Variants in HYCC1 observed in about 807,000 individuals in gnomAD.
The protein encoded by HYCC1 is hyccin.
the HYCC1 span, chr7:22,942,489 A>G: frequency 6.6e-6 from 1 of 152,196 alleles, no homozygotes; most frequent in South Asian, 2.1e-4. Context: ...TTCTCTCCCC[A>G]CTTGGATTCC....
At chr7:22,933,765 A>G in the HYCC1 span, among the ~76,000 whole-genome samples, 1 of 152,236 alleles carries the variant, frequency 6.6e-6, no homozygotes, top group African/African-American at 2.4e-5. Context: ...CTCATTAATC[A>G]AAGCTATTTT....
chr7:22,982,034 G>A, the HYCC1 span, among the ~76,000 whole-genome samples: 29,661 of 152,078 alleles, frequency 0.2, 3,430 homozygotes, highest in Non-Finnish European at 0.26. Flanking sequence ...AAGTAGCCTA[G>A]TTAAAACATA....
At chr7:22,971,225 C>T in the HYCC1 span, among the ~76,000 whole-genome samples, 960 of 148,898 alleles carry the variant, frequency 6.4e-3, 15 homozygotes, top group African/African-American at 0.022. Context: ...TAGACCAGAA[C>T]CAAAAGTAGA....
chr7:22,989,449 G>C, the HYCC1 span, among the ~76,000 whole-genome samples: 1 of 152,138 alleles, frequency 6.6e-6, no homozygotes, highest in Non-Finnish European at 1.5e-5. Context: ...CTGGGCTCAA[G>C]TGTTCCTCCC....
the HYCC1 span, among the ~76,000 whole-genome samples, chr7:22,996,720 A>G: frequency 6.6e-6 from 1 of 152,032 alleles, no homozygotes; most frequent in Admixed American, 6.6e-5. Context: ...TGGCCACAAA[A>G]TGATTTAAAA....
chr7:22,946,820 T>G, the HYCC1 span: 1 of 712,882 alleles, frequency 1.4e-6, no homozygotes, highest in Non-Finnish European at 2.2e-6. Context: ...GGTATAATCA[T>G]TCCAAAGAAC....
chr7:23,012,602 A>G, the HYCC1 span, among the ~76,000 whole-genome samples: 1 of 152,174 alleles, frequency 6.6e-6, no homozygotes, highest in South Asian at 2.1e-4. Context: ...CAGATCTTAA[A>G]TGTTTTTCCT....
the HYCC1 span, among the ~76,000 whole-genome samples, chr7:22,955,376 T>C: frequency 3.3e-5 from 5 of 151,618 alleles, no homozygotes; most frequent in Admixed American, 1.3e-4. Flanking sequence ...CTTTAAAGTA[T>C]ACCAAATGTT....
At chr7:22,924,708 C>A in the HYCC1 span, among the ~76,000 whole-genome samples, 2 of 152,346 alleles carry the variant, frequency 1.3e-5, no homozygotes, top group Non-Finnish European at 2.9e-5. Context: ...GTGGAGCCCA[C>A]CACAGCTCAA....
chr7:22,930,259 G>C, the HYCC1 span, among the ~76,000 whole-genome samples: 1 of 149,668 alleles, frequency 6.7e-6, no homozygotes, highest in East Asian at 2.0e-4. Context: ...GAGTTAATGG[G>C]TGCAGCACAC....
the HYCC1 span, chr7:22,934,484 A>T: frequency 6.6e-6 from 1 of 152,190 alleles, no homozygotes; most frequent in African/African-American, 2.4e-5. Flanking sequence ...TAATGGAAGA[A>T]GTAGCTGCAG....
chr7:22,975,329 A>C, the HYCC1 span, among the ~76,000 whole-genome samples: 1 of 152,234 alleles, frequency 6.6e-6, no homozygotes, highest in South Asian at 2.1e-4. Context: ...AGAGATAATC[A>C]TTGTTAATAT....
At chr7:23,008,250 T>C in the HYCC1 span, among the ~76,000 whole-genome samples, 1 of 152,098 alleles carries the variant, frequency 6.6e-6, no homozygotes, top group East Asian at 1.9e-4. Context: ...TTCCATCAGG[T>C]ACACTTAATC....
the HYCC1 span, among the ~76,000 whole-genome samples, chr7:22,920,131 T>C: frequency 2.0e-5 from 3 of 152,114 alleles, no homozygotes; most frequent in Non-Finnish European, 2.9e-5. Flanking sequence ...AGTTTGACAG[T>C]AGCCTTGACA....
At chr7:22,978,600 T>C in the HYCC1 span, 4 of 680,600 alleles carry the variant, frequency 5.9e-6, no homozygotes, top group East Asian at 8.1e-5. Flanking sequence ...TCCTAAAATA[T>C]CCTTTCTTCC....
the HYCC1 span, among the ~76,000 whole-genome samples, chr7:22,961,970 G>C: frequency 2.0e-5 from 3 of 151,970 alleles, no homozygotes; most frequent in East Asian, 5.8e-4. Context: ...ATAGTGGCTT[G>C]ATCAACTTCC....
the HYCC1 span, among the ~76,000 whole-genome samples, chr7:22,926,571 C>T: frequency 6.6e-6 from 1 of 152,024 alleles, no homozygotes; most frequent in Non-Finnish European, 1.5e-5. Context: ...CAACAAAGAT[C>T]AAAAGAAACA....
the HYCC1 span, among the ~76,000 whole-genome samples, chr7:22,902,408 C>T: frequency 1.3e-5 from 2 of 149,778 alleles, no homozygotes; most frequent in Admixed American, 6.6e-5. Flanking sequence ...AAATTAATTA[C>T]AACAAAAGTC....
the HYCC1 span, among the ~76,000 whole-genome samples, chr7:22,999,400 A>G: frequency 2.6e-5 from 4 of 152,210 alleles, no homozygotes; most frequent in Non-Finnish European, 5.9e-5. Flanking sequence ...TAACATACAA[A>G]TGATAAAGTT....
Sources: allele counts gnomAD v4.1 joint callset (sites outside exome capture counted in the v4.1 genomes callset), GRCh38; gene constraint gnomAD v4.1.1; transcripts MANE v1.5; gene names NCBI Gene and HGNC (gene_info 2026-07-23, HGNC 2026-07-21).